Variants in TFAP2A observed in about 807,000 individuals in gnomAD.
TFAP2A encodes transcription factor AP-2-alpha.
Under a neutral mutation model 41.5 loss-of-function variants are expected in TFAP2A, and 7 were observed. The ratio of observed to expected loss-of-function variants is 0.17; its 90% CI spans 0.10 to 0.32. TFAP2A has a LOEUF of 0.32. Among genes scored for constraint, TFAP2A ranks in the 10% least tolerant of loss-of-function variants. The probability of loss-of-function intolerance (pLI) is 1.00; values close to 1 mark genes in which losing one functional copy is unlikely to be tolerated. For synonymous variants in TFAP2A, 247 were observed against 242.8 expected (o/e 1.02, Z -0.16); for missense variants, 416 against 563.3 (o/e 0.74, Z 2.65).
At chr6:10,405,277 A>T (rs1170403264) in intron 3 of TFAP2A, 4 of 153,204 alleles carry the variant, frequency 2.6e-5, no homozygotes, top group African/African-American at 9.7e-5. Context: ...GAGCGTTTTA[A>T]TTGAGGCACC....
chr6:10,401,158 G>A (rs1216984592), intron 5 of TFAP2A, among the ~76,000 whole-genome samples: 2 of 152,142 alleles, frequency 1.3e-5, no homozygotes, highest in Non-Finnish European at 2.9e-5. Flanking sequence ...CTCCAGCTCC[G>A]GAAGAACGCA....
intron 4 of TFAP2A, among the ~76,000 whole-genome samples, chr6:10,404,058 G>A (rs1757550892): frequency 6.6e-6 from 1 of 152,202 alleles, no homozygotes; most frequent in South Asian, 2.1e-4. Context: ...GGTTACCCTC[G>A]GAGACCCTAC....
At chr6:10,402,429 C>T (rs1762045965) in intron 5 of TFAP2A, 63 bp downstream of exon 5, 1 of 1,196,404 alleles carries the variant, frequency 8.4e-7, no homozygotes, top group African/African-American at 1.5e-5. Flanking sequence ...AACATCTGGC[C>T]ACTAAATATT....
At chr6:10,410,415 A>T in intron 1 of TFAP2A, 80 bp from the exon 2 acceptor site, 3 of 1,433,238 alleles carry the variant, frequency 2.1e-6, no homozygotes, top group Non-Finnish European at 2.9e-6. Context: ...TCCACTTGAC[A>T]AGTCTGCGTG....
rs760931984 is a variant in TFAP2A, at chr6:10,415,031, C to T, written c.-40G>A. 5 of 1,614,054 alleles carry T rather than the reference C, an allele frequency of 3.1e-6. No homozygotes were observed. The South Asian group carries it at 4.4e-5, about 14-fold the overall frequency. On this transcript the variant is annotated 5_prime_UTR_variant, in exon 1 of 7. Coordinates refer to ENST00000379613, the MANE Select transcript of TFAP2A (RefSeq NM_001372066.1). The stretch of plus-strand genomic sequence containing the variant: ...GGATATGCCCCTCTCGGTCTCGCAC[C>T]CAAGTGGAGCTACTCTCTGGGTGAG...
chr6:10,411,942 G>A lies in TFAP2A; in HGVS notation c.52-1607C>T, dbSNP rs1269866099. ...TGGGTGCGTGCGTGTTCCTTAATCC[G>A]TGTCTCCCCCTCTTTTCTTAGCGGC... On this transcript the variant is annotated intron_variant, in intron 1 of 6. Transcript: ENST00000379613. The A allele has an allele frequency of 8.8e-6, 10 of 1,137,080 alleles. No homozygotes were observed. In the Admixed American group the frequency reaches 2.2e-4, roughly 25 times the overall value. 70.4% of individuals were successfully genotyped at this position (1,137,080 alleles called of 1,614,324 possible). A position where few individuals can be genotyped will look rare whatever the true frequency, so the allele number is the denominator to read the frequency against.
intron 5 of TFAP2A, among the ~76,000 whole-genome samples, chr6:10,401,763 G>A (rs1762016709): frequency 6.6e-6 from 1 of 152,106 alleles, no homozygotes; most frequent in Non-Finnish European, 1.5e-5. Flanking sequence ...CAAAACCTAG[G>A]CCAATCTTGT....
At chr6:10,414,616 A>G in intron 1 of TFAP2A, 1 of 524,412 alleles carries the variant, frequency 1.9e-6, no homozygotes. Context: ...AGGAGTGCAC[A>G]GGCAAGTGCC....
intron 1 of TFAP2A, chr6:10,412,295 A>T (rs530497820): frequency 1.0e-6 from 1 of 986,122 alleles, no homozygotes; most frequent in South Asian, 4.7e-5. Context: ...GTTGCAGGGC[A>T]TGCAAAAGTG....
intron 1 of TFAP2A, chr6:10,411,767 G>T: frequency 6.8e-7 from 1 of 1,473,972 alleles, no homozygotes; most frequent in Non-Finnish European, 9.0e-7. Flanking sequence ...GCCCGGCTCG[G>T]ATCCATCCGA....
intron 5 of TFAP2A, among the ~76,000 whole-genome samples, chr6:10,401,663 A>G (rs1158391788): frequency 1.3e-5 from 2 of 152,248 alleles, no homozygotes; most frequent in African/African-American, 4.8e-5. Context: ...TCTGGTAATT[A>G]AAGTAACTTT....
chr6:10,410,056 G>C lies in TFAP2A; in HGVS notation c.331C>G (p.His111Asp). The C allele has an allele frequency of 6.2e-7, 1 of 1,612,874 alleles. No homozygotes were observed. The highest frequency in any genetic ancestry group is 8.5e-7 in the Non-Finnish European group (1 of 1,179,866). Residue 111 changes from histidine to aspartate, a missense_variant, in exon 2 of 7, where the codon CAC becomes GAC. This residue lies in a region of TFAP2A where 241 missense variants were observed against 274.1 expected (regional missense o/e 0.88). Coordinates refer to ENST00000379613, the MANE Select transcript of TFAP2A (RefSeq NM_001372066.1). ...QRQSQESGLL[H>D]THRGLPHQLS... ...TGGTGAGGCAGCCCCCGGTGCGTGT[G>C]CAGGAGCCCAGACTCCTGGCTCTGC...
chr6:10,417,494 G>T (rs1424863460), upstream of TFAP2A, among the ~76,000 whole-genome samples: 1 of 152,218 alleles, frequency 6.6e-6, no homozygotes, highest in Non-Finnish European at 1.5e-5. Flanking sequence ...ACGCTAAGTC[G>T]CTTCATTGCA....
chr6:10,404,459 G>A (rs1033129223), intron 4 of TFAP2A, 49 bp downstream of exon 4: 2 of 1,400,260 alleles, frequency 1.4e-6, no homozygotes, highest in Non-Finnish European at 1.9e-6. Flanking sequence ...CAAGCGCAGT[G>A]GTTCCCCCGG....
chr6:10,414,671 C>G, intron 1 of TFAP2A: 1 of 592,034 alleles, frequency 1.7e-6, no homozygotes, highest in Non-Finnish European at 3.0e-6. Flanking sequence ...TTCTTTTCCC[C>G]CATTCTTAGG....
Position 10,404,471 on chromosome 6 carries a change from C to CGCGGGGCGGG in TFAP2A, c.770+27_770+36dup, listed in dbSNP as rs564179777. ...GCGCAAGCGCAGTGGTTCCCCCGGC[C>CGCGGGGCGGG]GCGGGGCGGGGCGGGCGGGGCCGTG... On this transcript the variant is annotated intron_variant, in intron 4 of 6. Transcript: ENST00000379613. The CGCGGGGCGGG allele has an allele frequency of 4.1e-6, 6 of 1,450,106 alleles. No homozygotes were observed. The African/African-American group carries it at 7.4e-5, about 18-fold the overall frequency. 89.8% of individuals were successfully genotyped at this position (1,450,106 alleles called of 1,614,324 possible).
At position 10,410,311 on chromosome 6, in the gene TFAP2A, C is replaced by T. The variant is rs1158262777; in HGVS notation, c.76G>A (p.Gly26Arg). The T allele has an allele frequency of 1.2e-6, 2 of 1,611,770 alleles. No homozygotes were observed. Among genetic ancestry groups the T allele is most frequent in the African/African-American group, 1.3e-5 (1 of 74,578 alleles). The change falls in exon 2 of 7, where the codon GGG (glycine) becomes AGG (arginine). Residue 26 changes from glycine to arginine, a missense_variant. Gly to Arg is a moderately radical substitution (Grantham distance 125). Around this residue, in one of 3 missense-constraint regions of TFAP2A, gnomAD observed 241 missense variants for 274.1 expected, o/e 0.88. Coordinates refer to ENST00000379613, the MANE Select transcript of TFAP2A (RefSeq NM_001372066.1). ...CEDRHDGTSNGTARLPQLGTV... is the reference protein window; with the variant it reads ...CEDRHDGTSNRTARLPQLGTV... ...CCCAGCTGGGGCAACCGTGCCGTCC[C>T]GTTGCTGGTGCCGTCGTGACGGTCC...
At chr6:10,418,599 G>A (rs553761582), upstream of TFAP2A, 2 of 152,494 alleles carry the variant, frequency 1.3e-5, no homozygotes, top group East Asian at 3.9e-4. Flanking sequence ...GGAGAGAGCT[G>A]GACAAATGCT....
In TFAP2A at chr6:10,399,082, G is replaced by A. The variant is rs150296114; in HGVS notation, c.1032-377C>T. On this transcript the variant is annotated intron_variant, in intron 6 of 6. Coordinates refer to ENST00000379613, the MANE Select transcript of TFAP2A (RefSeq NM_001372066.1). The stretch of plus-strand genomic sequence containing the variant: ...GAAGTCAGAAACAGTAGCATCTTGC[G>A]AACATTATGCTGCAGCCATCAGCCT... Among the ~76,000 whole-genome samples, 15 of 152,298 alleles carry A rather than the reference G, an allele frequency of 9.8e-5. No individual in the cohort carries two copies. The East Asian group carries it at 2.9e-3, about 29-fold the overall frequency.
Sources: allele counts gnomAD v4.1 joint callset (sites outside exome capture counted in the v4.1 genomes callset), GRCh38; gene constraint gnomAD v4.1.1; regional missense constraint gnomAD v4.1.1; transcripts MANE v1.5; gene names NCBI Gene and HGNC (gene_info 2026-07-23, HGNC 2026-07-21).